HSD17B4: variants seen among roughly 807,000 people sequenced by gnomAD.
The protein encoded by HSD17B4 is peroxisomal multifunctional enzyme type 2.
HSD17B4 carries 70 observed loss-of-function variants against 101.0 expected under a neutral mutation model. That is an observed-to-expected ratio of 0.69 (90% CI 0.57 to 0.85). The LOEUF is 0.85. HSD17B4 is among the 40% of genes least tolerant of loss of function. The pLI is 0.00. For synonymous variants in HSD17B4, 347 were observed against 297.1 expected, an observed-to-expected ratio of 1.17 and a Z score of -1.73; for missense variants, 984 against 892.4, an observed-to-expected ratio of 1.10 and a Z score of -1.31.
chr5:119,498,358 T>C (rs1326053145), intron 12 of HSD17B4, among the ~76,000 whole-genome samples: 1 of 152,214 alleles, frequency 6.6e-6, no homozygotes, highest in Non-Finnish European at 1.5e-5. Flanking sequence ...GTACATATTC[T>C]TTCTCTTTTT....
At position 119,493,913 on chromosome 5, in the gene HSD17B4, T is replaced by G. The variant is rs1162207835; in HGVS notation, c.835T>G (p.Phe279Val). The change falls in exon 11 of 24, where the codon TTT (phenylalanine) becomes GTT (valine). Residue 279 changes from phenylalanine to valine, a missense_variant. By Grantham distance (50) the Phe-to-Val change is conservative. Transcript: ENST00000510025. ...GGCTAACTGGAAGAAGATCTGTGAC[T>G]TTGAGAATGCCAGCAAGCCTCAGAG... ...VKANWKKICD[F>V]ENASKPQSIQ... is the part of the protein sequence containing the mutation. 1 of 1,613,350 alleles carries G rather than the reference T, an allele frequency of 6.2e-7. No homozygotes were observed. The highest frequency in any genetic ancestry group is 1.1e-5 in the South Asian group (1 of 91,080).
intron 14 of HSD17B4, among the ~76,000 whole-genome samples, chr5:119,504,617 T>C (rs1364741742): frequency 1.3e-5 from 2 of 152,204 alleles, no homozygotes; most frequent in Admixed American, 6.5e-5. Context: ...TGCCCATTTC[T>C]TAATGGGATT....
chr5:119,470,194 GT>G (rs1018940252), intron 2 of HSD17B4, among the ~76,000 whole-genome samples: 25 of 146,402 alleles, frequency 1.7e-4, no homozygotes, highest in South Asian at 8.7e-4. Flanking sequence ...TTGAATGTCT[GT>G]TTTTTTTTTT....
chr5:119,454,812 G>A (rs550362255), intron 1 of HSD17B4, among the ~76,000 whole-genome samples: 73 of 152,038 alleles, frequency 4.8e-4, no homozygotes, highest in South Asian at 8.3e-4. Flanking sequence ...AATAGAGACG[G>A]GGTTTCACCC....
chr5:119,530,142 A>G, intron 21 of HSD17B4, 162 bp downstream of exon 21: 2 of 636,808 alleles, frequency 3.1e-6, no homozygotes, highest in Non-Finnish European at 2.8e-6. Flanking sequence ...GAATAGAAGG[A>G]ATACTCTGGC....
At chr5:119,486,233 C>T (rs1223477596) in intron 8 of HSD17B4, among the ~76,000 whole-genome samples, 2 of 152,112 alleles carry the variant, frequency 1.3e-5, no homozygotes, top group Non-Finnish European at 2.9e-5. Flanking sequence ...TGTACCATCA[C>T]GTTTGTCCTA....
intron 16 of HSD17B4, among the ~76,000 whole-genome samples, chr5:119,512,990 G>A (rs1019434341): frequency 6.6e-6 from 1 of 152,206 alleles, no homozygotes; most frequent in Non-Finnish European, 1.5e-5. Flanking sequence ...TATTGTGTCA[G>A]TAAAGCTGTT....
chr5:119,475,810 C>T lies in HSD17B4; in HGVS notation c.303-14C>T. 6.3e-7 allele frequency: 1 copy of T among 1,595,838 alleles called. No homozygotes were observed. On this transcript the variant is annotated splice_polypyrimidine_tract_variant and intron_variant, in intron 5 of 23. Transcript: ENST00000510025. ...ACTTTCCTCCTTTTACCCTATACAA[C>T]ATTGATTTTTTAGAATTCTGAGGGA...
At chr5:119,462,441 T>C (rs1755356965) in intron 2 of HSD17B4, among the ~76,000 whole-genome samples, 2 of 151,932 alleles carry the variant, frequency 1.3e-5, no homozygotes, top group Non-Finnish European at 2.9e-5. Flanking sequence ...CAAACTGTTT[T>C]CTTATCTGTG....
chr5:119,493,590 CA>C (rs1170243404), intron 10 of HSD17B4: 7 of 479,808 alleles, frequency 1.5e-5, no homozygotes, highest in Non-Finnish European at 2.7e-5. Flanking sequence ...CTGGCATAGT[CA>C]GAGGAGAAAT....
intron 13 of HSD17B4, among the ~76,000 whole-genome samples, chr5:119,500,529 A>G (rs1751062985): frequency 6.6e-6 from 1 of 152,074 alleles, no homozygotes; most frequent in South Asian, 2.1e-4. Context: ...TCTGTTACAC[A>G]TTTAAGTGGA....
intron 17 of HSD17B4, among the ~76,000 whole-genome samples, chr5:119,523,030 G>GT: frequency 7.3e-6 from 1 of 137,146 alleles, no homozygotes; most frequent in Admixed American, 6.9e-5. Flanking sequence ...TAGAAAAGTG[G>GT]TGTTTATTTT....
At chr5:119,501,905 C>G in intron 13 of HSD17B4, 136 bp from the exon 14 acceptor site, 1 of 657,174 alleles carries the variant, frequency 1.5e-6, no homozygotes. Flanking sequence ...TAAGAAGAAG[C>G]CAAACAGAGA....
At chr5:119,498,713 T>G (rs1037248083) in intron 12 of HSD17B4, among the ~76,000 whole-genome samples, 1 of 152,040 alleles carries the variant, frequency 6.6e-6, no homozygotes, top group African/African-American at 2.4e-5. Flanking sequence ...CTGTCTCTAC[T>G]GAAAATATAA....
chr5:119,484,818 G>A (rs1388639253), intron 8 of HSD17B4, among the ~76,000 whole-genome samples: 1 of 151,788 alleles, frequency 6.6e-6, no homozygotes, highest in African/African-American at 2.4e-5. Flanking sequence ...TACCTATTTG[G>A]ACCTGAGATC....
Position 119,478,891 on chromosome 5 carries a change from T to C in HSD17B4, c.492T>C (p.Tyr164=). ...ATGGCAACTTTGGCCAGGCCAATTA[T>C]AGTGCTGCAAAGTTGGGTCTTCTGG... ...GIYGNFGQAN[Y]SAAKLGLLGL... Residue 164 remains tyrosine (Y), a synonymous_variant, in exon 8 of 24, where the codon TAT becomes TAC. Transcript: ENST00000510025. 1.9e-6 allele frequency: 3 copies of C among 1,613,712 alleles called. No individual in the cohort carries two copies. The highest frequency in any genetic ancestry group is 2.5e-6 in the Non-Finnish European group (3 of 1,179,692).
At chr5:119,521,471 G>C (rs979594759) in intron 17 of HSD17B4, among the ~76,000 whole-genome samples, 2 of 151,924 alleles carry the variant, frequency 1.3e-5, no homozygotes, top group African/African-American at 4.8e-5. Flanking sequence ...CTCTTTCACT[G>C]TTTTGCTTTT....
Position 119,536,491 on chromosome 5 carries a change from A to G in HSD17B4, c.2062A>G (p.Ile688Val). The G allele has an allele frequency of 6.2e-7, 1 of 1,612,326 alleles. No homozygotes were observed. Among genetic ancestry groups the G allele is most frequent in the Non-Finnish European group, 8.5e-7 (1 of 1,178,634 alleles). Residue 688 changes from isoleucine to valine, a missense_variant, in exon 23 of 24, where the codon ATC becomes GTC. Ile to Val is a conservative substitution (Grantham distance 29). Transcript: ENST00000510025. ...TGCAAAAGGTGCTGCTGATACAACA[A>G]TCATACTTTCAGATGAAGATTTCAT... is the stretch of plus-strand genomic sequence containing the variant. ...GPAKGAADTT[I>V]ILSDEDFMEV...
intron 2 of HSD17B4, among the ~76,000 whole-genome samples, chr5:119,457,440 G>GATGT (rs1364704091): frequency 1.3e-5 from 2 of 152,208 alleles, no homozygotes; most frequent in African/African-American, 4.8e-5. Flanking sequence ...CTTCATTGTG[G>GATGT]ATGTGTAGCT....
Sources: gnomAD v4.1 joint callset for allele counts (sites outside exome capture counted in the v4.1 genomes callset) on GRCh38, gnomAD v4.1.1 for gene constraint, MANE v1.5 for transcripts, NCBI Gene and HGNC (gene_info 2026-07-23, HGNC 2026-07-21) for gene names.